CFDP1: variants seen among roughly 807,000 people sequenced by gnomAD.
The protein encoded by CFDP1 is heterochromatin-stabilizing protein CFDP1.
Under a neutral mutation model 40.1 loss-of-function variants are expected in CFDP1, and 31 were observed. That is an observed-to-expected ratio of 0.77 (90% CI 0.58 to 1.04). The LOEUF is 1.04. CFDP1 is among the 50% of genes least tolerant of loss of function. The probability of loss-of-function intolerance (pLI) is 0.00; values close to 1 mark genes in which losing one functional copy is unlikely to be tolerated. For synonymous variants in CFDP1, 167 were observed against 120.0 expected (o/e 1.39, Z -2.56); for missense variants, 423 against 343.4 (o/e 1.23, Z -1.83).
intron 1 of CFDP1, among the ~76,000 whole-genome samples, chr16:75,430,149 G>A (rs974648805): frequency 6.9e-6 from 1 of 144,848 alleles, no homozygotes; most frequent in Non-Finnish European, 1.5e-5. Context: ...TAGAGGTTGT[G>A]GAGACCAGAG....
At chr16:75,307,174 C>T (rs1449638865) in intron 5 of CFDP1, among the ~76,000 whole-genome samples, 1 of 152,072 alleles carries the variant, frequency 6.6e-6, no homozygotes, top group Non-Finnish European at 1.5e-5. Flanking sequence ...CTTAGCATGT[C>T]TTTCTGCTTA....
chr16:75,367,903 G>A (rs982369762), intron 5 of CFDP1, among the ~76,000 whole-genome samples: 1 of 151,266 alleles, frequency 6.6e-6, no homozygotes, highest in Non-Finnish European at 1.5e-5. Flanking sequence ...TCAGGAGTTC[G>A]AGACCAGCCC....
chr16:75,411,968 G>T lies in CFDP1; in HGVS notation c.403-16C>A. 6.3e-7 allele frequency: 1 copy of T among 1,578,052 alleles called. No homozygotes were observed. ...CCTCTCCTTTCTATAAAAAAAACAA[G>T]AAATGTAATGTTTCACCAAAAGATG... On this transcript the variant is annotated splice_polypyrimidine_tract_variant and intron_variant, in intron 3 of 6. Transcript: ENST00000283882.
intron 5 of CFDP1, among the ~76,000 whole-genome samples, chr16:75,333,831 C>G (rs981288475): frequency 6.6e-6 from 1 of 152,164 alleles, no homozygotes; most frequent in African/African-American, 2.4e-5. Context: ...GTCTTTAAAG[C>G]CTTTCATACC....
At chr16:75,366,671 T>C (rs182716808) in intron 5 of CFDP1, among the ~76,000 whole-genome samples, 20 of 152,112 alleles carry the variant, frequency 1.3e-4, no homozygotes, top group Middle Eastern at 3.4e-3. Flanking sequence ...AGATAGATAC[T>C]GAAAGACTAT....
chr16:75,425,127 T>C (rs2079323031), intron 1 of CFDP1, among the ~76,000 whole-genome samples: 1 of 151,862 alleles, frequency 6.6e-6, no homozygotes, highest in South Asian at 2.1e-4. Context: ...TATAAGATCG[T>C]TAAATTGTCA....
chr16:75,363,057 A>T (rs1363407072), intron 5 of CFDP1: 2 of 152,204 alleles, frequency 1.3e-5, no homozygotes, highest in African/African-American at 4.8e-5. Flanking sequence ...ACCACCAGGA[A>T]ACATATGTAA....
At chr16:75,433,203 G>A (rs1289841103) in intron 1 of CFDP1, 86 bp downstream of exon 1, 2 of 1,350,424 alleles carry the variant, frequency 1.5e-6, no homozygotes, top group African/African-American at 1.4e-5. Context: ...CTGGGCCACA[G>A]GGCAGACGCC....
At chr16:75,323,433 CTTTT>C (rs398058379) in intron 5 of CFDP1, among the ~76,000 whole-genome samples, 104 of 142,270 alleles carry the variant, frequency 7.3e-4, no homozygotes, top group African/African-American at 2.6e-3. Context: ...TTTTACTTAA[CTTTT>C]TTTTTTTTTT....
chr16:75,368,419 CAT>C (rs1454219719), intron 5 of CFDP1, among the ~76,000 whole-genome samples: 2 of 152,076 alleles, frequency 1.3e-5, no homozygotes, highest in African/African-American at 2.4e-5. Flanking sequence ...TAAAATGGGA[CAT>C]GTGTTAAGTA....
In CFDP1 at chr16:75,399,628, C is replaced by G. The variant is rs987772177; in HGVS notation, c.531-4419G>C. Among the ~76,000 whole-genome samples, 3 of 152,190 alleles carry G rather than the reference C, an allele frequency of 2.0e-5. No individual in the cohort carries two copies. In the South Asian group the frequency reaches 6.2e-4, roughly 32 times the overall value. On this transcript the variant is annotated intron_variant, in intron 4 of 6. Transcript: ENST00000283882. ...TCCTGGGCTCAAGTGGTCCTCCTGC[C>G]TTGGCCTCCCAGTGCTGGGATTACA...
At chr16:75,365,908 ACAAAGCGAACC>A (rs752776432) in intron 5 of CFDP1, among the ~76,000 whole-genome samples, 23 of 152,234 alleles carry the variant, frequency 1.5e-4, no homozygotes, top group Non-Finnish European at 3.2e-4. Flanking sequence ...GAGGAAGTGG[ACAAAGCGAACC>A]CTCATGCACT....
intron 6 of CFDP1, among the ~76,000 whole-genome samples, chr16:75,303,399 A>ATG (rs1555552219): frequency 4.4e-5 from 2 of 45,420 alleles, no homozygotes; most frequent in African/African-American, 9.0e-5. Flanking sequence ...ATAAATAAAT[A>ATG]AATGTATGTA....
At chr16:75,377,780 A>G (rs1470818034) in intron 5 of CFDP1, among the ~76,000 whole-genome samples, 1 of 152,218 alleles carries the variant, frequency 6.6e-6, no homozygotes, top group African/African-American at 2.4e-5. Context: ...AGTAAAAACC[A>G]AAAGAAAATC....
At chr16:75,419,634 C>A (rs2079253765) in intron 1 of CFDP1, among the ~76,000 whole-genome samples, 1 of 152,096 alleles carries the variant, frequency 6.6e-6, no homozygotes, top group African/African-American at 2.4e-5. Context: ...CATTCTAAGT[C>A]ACACGATAAG....
chr16:75,411,319 T>C (rs2079160722), intron 4 of CFDP1, among the ~76,000 whole-genome samples: 1 of 152,020 alleles, frequency 6.6e-6, no homozygotes, highest in East Asian at 1.9e-4. Flanking sequence ...GTAGGAGAAT[T>C]GCTTGAACTG....
intron 3 of CFDP1, 77 bp from the exon 4 acceptor site, chr16:75,412,029 TC>T: frequency 6.9e-7 from 1 of 1,445,080 alleles, no homozygotes; most frequent in South Asian, 1.4e-5. Flanking sequence ...TATTTTTTTT[TC>T]TTTGAGATAG....
At chr16:75,338,636 T>G (rs528662437) in intron 5 of CFDP1, among the ~76,000 whole-genome samples, 1 of 152,284 alleles carries the variant, frequency 6.6e-6, no homozygotes, top group South Asian at 2.1e-4. Flanking sequence ...ACCTAATGCA[T>G]TTTCTGTTTT....
intron 5 of CFDP1, among the ~76,000 whole-genome samples, chr16:75,384,499 C>T (rs2078876462): frequency 6.6e-6 from 1 of 152,184 alleles, no homozygotes; most frequent in Non-Finnish European, 1.5e-5. Flanking sequence ...GGTCTTCTCA[C>T]ATAATACTGG....
Sources: gnomAD v4.1 joint callset for allele counts (sites outside exome capture counted in the v4.1 genomes callset) on GRCh38, gnomAD v4.1.1 for gene constraint, MANE v1.5 for transcripts, NCBI Gene and HGNC (gene_info 2026-07-23, HGNC 2026-07-21) for gene names.